The following RNLS variants were observed in gnomAD, a reference collection of about 807,000 sequenced individuals.
RNLS encodes renalase.
Under a neutral mutation model 39.8 loss-of-function variants are expected in RNLS, and 39 were observed. That is an observed-to-expected ratio of 0.98 (90% confidence interval 0.76 to 1.28). The LOEUF (loss-of-function observed/expected upper bound fraction) is 1.28. Among genes scored for constraint, RNLS ranks in the 50% most tolerant of loss-of-function variants. The probability of loss-of-function intolerance (pLI) is 0.00; values close to 1 mark genes in which losing one functional copy is unlikely to be tolerated. For synonymous variants in RNLS, 147 were observed against 150.7 expected (o/e 0.98, Z 0.18); for missense variants, 410 against 413.3 (o/e 0.99, Z 0.07).
chr10:88,509,984 T>TA (rs1846019380), intron 4 of RNLS, among the ~76,000 whole-genome samples: 1 of 152,202 alleles, frequency 6.6e-6, no homozygotes, highest in Non-Finnish European at 1.5e-5. Flanking sequence ...CCTTTGTGGC[T>TA]ATGTCCAAAT....
intron 4 of RNLS, among the ~76,000 whole-genome samples, chr10:88,485,488 A>G (rs893669670): frequency 3.3e-5 from 5 of 152,002 alleles, no homozygotes; most frequent in East Asian, 1.9e-4. Flanking sequence ...AAAACCTAAA[A>G]TTCATAAAAC....
intron 4 of RNLS, among the ~76,000 whole-genome samples, chr10:88,438,217 T>A (rs1474103199): frequency 6.6e-6 from 1 of 151,234 alleles, no homozygotes; most frequent in African/African-American, 2.4e-5. Flanking sequence ...AACTGCTGCA[T>A]CTACCTTGCA....
chr10:88,298,234 G>A (rs1034760036), intron 6 of RNLS, among the ~76,000 whole-genome samples: 2 of 151,524 alleles, frequency 1.3e-5, no homozygotes, highest in African/African-American at 4.9e-5. Context: ...CTAGATAGTA[G>A]ATTCTTATCA....
At chr10:88,217,954 C>T in the RNLS span, among the ~76,000 whole-genome samples, 7 of 152,138 alleles carry the variant, frequency 4.6e-5, no homozygotes, top group East Asian at 1.9e-4. Context: ...GTGAGAGAAT[C>T]GCTTGAACCC....
chr10:88,286,660 A>G (rs2132629096), intron 6 of RNLS, among the ~76,000 whole-genome samples: 1 of 152,230 alleles, frequency 6.6e-6, no homozygotes, highest in South Asian at 2.1e-4. Context: ...ATGGATAGTA[A>G]TAGAGTAAGG....
intron 5 of RNLS, among the ~76,000 whole-genome samples, chr10:88,339,061 G>C (rs1450344010): frequency 3.3e-5 from 5 of 152,040 alleles, no homozygotes; most frequent in Non-Finnish European, 7.4e-5. Context: ...CGCCCAGCCA[G>C]AAAGCTAGAT....
downstream of RNLS, among the ~76,000 whole-genome samples, chr10:88,271,398 G>A (rs1337459915): frequency 6.6e-6 from 1 of 152,150 alleles, no homozygotes; most frequent in Non-Finnish European, 1.5e-5. Context: ...CTCTGAGCTG[G>A]AGATAAAAGC....
intron 4 of RNLS, among the ~76,000 whole-genome samples, chr10:88,542,392 G>T (rs1270375759): frequency 6.6e-6 from 1 of 152,036 alleles, no homozygotes; most frequent in East Asian, 1.9e-4. Context: ...ATATACCCTT[G>T]TTTGTCTTTG....
chr10:88,230,072 T>C, the RNLS span, among the ~76,000 whole-genome samples: 1 of 151,554 alleles, frequency 6.6e-6, no homozygotes, highest in African/African-American at 2.4e-5. Context: ...AGAAATGGAG[T>C]TGTCTGGGAC....
intron 4 of RNLS, among the ~76,000 whole-genome samples, chr10:88,513,845 T>TTA (rs1410678967): frequency 6.6e-6 from 1 of 152,142 alleles, no homozygotes; most frequent in Admixed American, 6.6e-5. Context: ...TTCTTTGCCT[T>TTA]TATAACATAC....
At chr10:88,573,839 T>C (rs1849999052) in intron 3 of RNLS, among the ~76,000 whole-genome samples, 1 of 149,592 alleles carries the variant, frequency 6.7e-6, no homozygotes, top group Non-Finnish European at 1.5e-5. Flanking sequence ...TAAGTATTTA[T>C]TTAAAATAAT....
chr10:88,403,813 T>A (rs905656328), intron 4 of RNLS, among the ~76,000 whole-genome samples: 1 of 151,672 alleles, frequency 6.6e-6, no homozygotes, highest in Non-Finnish European at 1.5e-5. Context: ...TGCAGGAGGA[T>A]CACTTGAGCT....
chr10:88,255,726 G>A, the RNLS span, among the ~76,000 whole-genome samples: 17 of 152,298 alleles, frequency 1.1e-4, no homozygotes, highest in Admixed American at 8.5e-4. Context: ...CATGATTTTG[G>A]GAATTGATAG....
intron 4 of RNLS, among the ~76,000 whole-genome samples, chr10:88,500,191 T>G (rs764702007): frequency 2.6e-5 from 4 of 152,096 alleles, no homozygotes; most frequent in Non-Finnish European, 5.9e-5. Flanking sequence ...CTCAAATAAT[T>G]TAGTTATAAG....
At chr10:88,575,091 A>G (rs1010458228) in intron 3 of RNLS, among the ~76,000 whole-genome samples, 38 of 145,280 alleles carry the variant, frequency 2.6e-4, no homozygotes, top group African/African-American at 9.4e-4. Context: ...CGCCTTGAAA[A>G]TGTATCCCAA....
chr10:88,399,541 C>T (rs1852786660), intron 4 of RNLS, among the ~76,000 whole-genome samples: 1 of 151,894 alleles, frequency 6.6e-6, no homozygotes. Flanking sequence ...ACACACAAGT[C>T]CACAACTGTA....
intron 5 of RNLS, among the ~76,000 whole-genome samples, chr10:88,318,359 AG>A (rs1845921612): frequency 1.3e-5 from 2 of 152,310 alleles, no homozygotes; most frequent in African/African-American, 4.8e-5. Context: ...CAATCGGTGA[AG>A]GGGGTAGCAC....
the RNLS span, among the ~76,000 whole-genome samples, chr10:88,172,868 TTTTTTTTA>T: frequency 1.9e-5 from 2 of 103,652 alleles, no homozygotes; most frequent in African/African-American, 7.3e-5. Flanking sequence ...TTTTTTTTTT[TTTTTTTTA>T]GATGGAGTCT....
intron 4 of RNLS, among the ~76,000 whole-genome samples, chr10:88,393,825 A>C (rs1005303905): frequency 6.6e-6 from 1 of 152,132 alleles, no homozygotes; most frequent in Admixed American, 6.5e-5. Context: ...AAACAGCATC[A>C]TACTGGTACC....
Sources: allele counts gnomAD v4.1 joint callset (sites outside exome capture counted in the v4.1 genomes callset), GRCh38; gene constraint gnomAD v4.1.1; transcripts MANE v1.5; gene names NCBI Gene and HGNC (gene_info 2026-07-23, HGNC 2026-07-21).